HECW2: variants seen among roughly 807,000 people sequenced by gnomAD.
HECW2 encodes the protein HECT, C2 and WW domain containing E3 ubiquitin protein ligase 2.
In HECW2, 61 loss-of-function variants were observed where a neutral mutation model predicts 175.2. The observed-to-expected ratio is 0.35, with a 90% CI of 0.28 to 0.43. HECW2 has a LOEUF of 0.43. HECW2 is among the 20% of genes least tolerant of loss of function. The probability of loss-of-function intolerance (pLI) is 1.00; values close to 1 mark genes in which losing one functional copy is unlikely to be tolerated. For missense variants in HECW2, 1,524 were observed against 2,000.5 expected, an observed-to-expected ratio of 0.76 and a Z score of 4.54; for synonymous variants, 671 against 731.0, an observed-to-expected ratio of 0.92 and a Z score of 1.32.
At chr2:196,533,717 T>A (rs991879788) in intron 1 of HECW2, among the ~76,000 whole-genome samples, 1 of 152,212 alleles carries the variant, frequency 6.6e-6, no homozygotes. Flanking sequence ...CTAGCCTGAC[T>A]TTTTTCTGGC....
At chr2:196,428,672 T>C (rs1390124465) in intron 2 of HECW2, among the ~76,000 whole-genome samples, 1 of 152,210 alleles carries the variant, frequency 6.6e-6, no homozygotes, top group African/African-American at 2.4e-5. Flanking sequence ...AATTTTTATA[T>C]CAAAATTGTT....
At chr2:196,327,737 T>C (rs1692206498) in intron 5 of HECW2, among the ~76,000 whole-genome samples, 1 of 152,200 alleles carries the variant, frequency 6.6e-6, no homozygotes, top group Non-Finnish European at 1.5e-5. Context: ...TGTCTGCAAA[T>C]GTCTGGCTAT....
intron 14 of HECW2, among the ~76,000 whole-genome samples, chr2:196,286,833 T>C (rs1435706701): frequency 2.0e-5 from 3 of 152,192 alleles, no homozygotes; most frequent in Admixed American, 1.3e-4. Flanking sequence ...GTAGACAACA[T>C]ATTTTTCAAA....
chr2:196,385,250 T>C (rs1385615128), intron 2 of HECW2, among the ~76,000 whole-genome samples: 1 of 152,136 alleles, frequency 6.6e-6, no homozygotes, highest in East Asian at 1.9e-4. Flanking sequence ...CAATAAATCA[T>C]AATCTTATTT....
At chr2:196,453,356 G>A (rs759268183) in intron 1 of HECW2, among the ~76,000 whole-genome samples, 1 of 152,178 alleles carries the variant, frequency 6.6e-6, no homozygotes, top group Non-Finnish European at 1.5e-5. Flanking sequence ...TTTTAAGCAT[G>A]TGAACTAAAA....
chr2:196,365,121 G>C (rs890370560), intron 2 of HECW2, among the ~76,000 whole-genome samples: 4 of 152,196 alleles, frequency 2.6e-5, no homozygotes, highest in Non-Finnish European at 5.9e-5. Flanking sequence ...GTGATTTATG[G>C]ATGCTGAATG....
intron 1 of HECW2, among the ~76,000 whole-genome samples, chr2:196,578,270 A>G (rs184767103): frequency 8.5e-5 from 13 of 152,286 alleles, no homozygotes; most frequent in African/African-American, 2.2e-4. Context: ...ACAGGCATAA[A>G]AAAGAATCAG....
chr2:196,335,714 G>T (rs1182289723), intron 3 of HECW2, among the ~76,000 whole-genome samples: 5 of 152,148 alleles, frequency 3.3e-5, no homozygotes, highest in Non-Finnish European at 7.3e-5. Context: ...AACAAAAGTT[G>T]TTATGGGGTA....
At chr2:196,262,931 A>T (rs753442419) in intron 17 of HECW2, 1 of 152,162 alleles carries the variant, frequency 6.6e-6, no homozygotes, top group Non-Finnish European at 1.5e-5. Flanking sequence ...TTAGTAAAAT[A>T]CAAAGCAGGG....
chr2:196,251,279 T>A (rs984702210), intron 19 of HECW2, among the ~76,000 whole-genome samples: 1 of 152,212 alleles, frequency 6.6e-6, no homozygotes, highest in African/African-American at 2.4e-5. Flanking sequence ...CTGTTGGCTC[T>A]CTTTCTTTCA....
chr2:196,575,731 T>C lies in HECW2; in HGVS notation c.-36+17777A>G, dbSNP rs147619637. 2.1e-3 allele frequency among the ~76,000 whole-genome samples: 319 copies of C among 152,270 alleles called. 3 individuals carry two copies. Among genetic ancestry groups the C allele is most frequent in the African/African-American group, 7.2e-3 (301 of 41,552 alleles). ...CTCATGGTTCTGCAGGCTGTACAAA[T>C]AGCACCAATATATGCTTGGCTTCTG... On this transcript the variant is annotated intron_variant, in intron 1 of 28. Coordinates refer to ENST00000644978, the MANE Select transcript of HECW2 (RefSeq NM_001348768.2).
At chr2:196,219,544 T>C (rs1196842103) in intron 26 of HECW2, among the ~76,000 whole-genome samples, 1 of 152,236 alleles carries the variant, frequency 6.6e-6, no homozygotes. Context: ...AATTTAGAAC[T>C]TCTCCAATAA....
intron 1 of HECW2, among the ~76,000 whole-genome samples, chr2:196,478,720 A>G (rs1177629466): frequency 1.3e-5 from 2 of 152,096 alleles, no homozygotes; most frequent in Non-Finnish European, 2.9e-5. Flanking sequence ...AGGACAGGGC[A>G]GTTTAAGGCC....
rs750570274 is a variant in HECW2 at position 196,319,190 on chromosome 2, A to C, written c.1700T>G (p.Leu567Arg). The C allele has an allele frequency of 1.3e-6, 2 of 1,594,770 alleles. No individual in the cohort carries two copies. The highest frequency in any genetic ancestry group is 1.7e-6 in the Non-Finnish European group (2 of 1,169,624). Residue 567 changes from leucine (L) to arginine (R), a missense_variant, in exon 9 of 29, where the codon CTG (leucine) becomes CGG (arginine). Physicochemically the swap from Leu to Arg is moderately radical, Grantham distance 102. This residue lies in a region of HECW2 where 604 missense variants were observed against 588.3 expected (regional missense o/e 1.03). Coordinates refer to ENST00000644978, the MANE Select transcript of HECW2 (RefSeq NM_001348768.2). ...CTGATCTACCTCTTGAGAGCCACAC[A>C]GTTCAGCACTGCCCTGGTCAGCACT... ...QPSADQGSAE[L>R]CGSQEVDQPT... is the part of the protein sequence containing the mutation.
chr2:196,235,817 C>T (rs6748305), intron 21 of HECW2, among the ~76,000 whole-genome samples: 116,313 of 151,562 alleles, frequency 0.77, 48,271 homozygotes, highest in Non-Finnish European at 0.92. Context: ...CCACCATGCC[C>T]GGCTAATTTT....
intron 2 of HECW2, among the ~76,000 whole-genome samples, chr2:196,348,970 C>A (rs149233335): frequency 9.2e-5 from 14 of 152,312 alleles, no homozygotes; most frequent in Non-Finnish European, 8.8e-5. Context: ...GCCTGATCTC[C>A]CTTGATTTCT....
chr2:196,230,657 C>T (rs1384916514), intron 21 of HECW2, among the ~76,000 whole-genome samples: 7 of 152,284 alleles, frequency 4.6e-5, no homozygotes, highest in Admixed American at 1.3e-4. Flanking sequence ...TTTTCTCCGG[C>T]GATGCAGGTT....
rs570232267 is a variant in HECW2, at chr2:196,478,177, AC to A, written c.-35-44720del. 1.3e-4 allele frequency among the ~76,000 whole-genome samples: 20 copies of A among 152,348 alleles called. No individual in the cohort carries two copies. The South Asian group carries it at 4.1e-3, about 32-fold the overall frequency. On this transcript the variant is annotated intron_variant, in intron 1 of 28. Transcript: ENST00000644978. ...AGACACTTGGTTGTGAGGCACAGAA[AC>A]AGCAGAAAATTCAAAAGGAGAAATC...
chr2:196,231,057 G>C (rs1339699645), intron 21 of HECW2, among the ~76,000 whole-genome samples: 1 of 115,268 alleles, frequency 8.7e-6, no homozygotes, highest in Non-Finnish European at 1.6e-5. Flanking sequence ...TGGCGCCTCT[G>C]CACTCCAGCC....
Sources: gnomAD v4.1 joint callset for allele counts (sites outside exome capture counted in the v4.1 genomes callset) on GRCh38, gnomAD v4.1.1 for gene constraint, gnomAD v4.1.1 regional missense constraint, MANE v1.5 for transcripts, NCBI Gene and HGNC (gene_info 2026-07-23, HGNC 2026-07-21) for gene names.